AVEN: variants seen among roughly 807,000 people sequenced by gnomAD.
AVEN encodes the protein cell death regulator Aven.
A neutral mutation model predicts 38.1 loss-of-function variants in AVEN; 41 were observed. The observed-to-expected ratio is 1.08, with a 90% CI of 0.84 to 1.40. The LOEUF (loss-of-function observed/expected upper bound fraction) is 1.40. Ranked by LOEUF, AVEN falls within the 40% of genes most tolerant of loss-of-function variation. The pLI, the probability that AVEN is intolerant of heterozygous loss-of-function variation, is 0.00. For synonymous variants in AVEN, 206 were observed against 171.8 expected (o/e 1.20, Z -1.56); for missense variants, 605 against 438.8 (o/e 1.38, Z -3.38).
rs141177233 is a variant in AVEN, at chr15:33,963,333, T to C, written c.445+39699A>G. On this transcript the variant is annotated intron_variant, in intron 2 of 5. Coordinates refer to ENST00000306730, the MANE Select transcript of AVEN (RefSeq NM_020371.3). ...ACAGACAAGAGATCCAAGAGGAAGA[T>C]AGATCCTTTCTTTAAAATTTATCTG... 5.7e-3 allele frequency among the ~76,000 whole-genome samples: 861 copies of C among 152,306 alleles called. 7 individuals are homozygous for C. The highest frequency in any genetic ancestry group is 0.02 in the African/African-American group (826 of 41,564).
chr15:34,017,580 A>G (rs1297579446), intron 1 of AVEN, among the ~76,000 whole-genome samples: 1 of 149,246 alleles, frequency 6.7e-6, no homozygotes, highest in African/African-American at 2.5e-5. Flanking sequence ...TCCCAGTTCA[A>G]GCAATTCTCC....
Position 33,866,386 on chromosome 15 carries a change from T to TTAAGGAAATCTA in AVEN, c.*215_*226dup. On this transcript the variant is annotated 3_prime_UTR_variant, in exon 6 of 6. Transcript: ENST00000306730. ...AAGGGCCAGAGTCTATCTCCTGCCCTTAAGGAAATCTATTAGATTACTAAG... is the reference window on the plus strand; with the variant it reads ...AAGGGCCAGAGTCTATCTCCTGCCCTTAAGGAAATCTATAAGGAAATCTATTAGATTACTAAG... 1.8e-6 allele frequency: 1 copy of TTAAGGAAATCTA among 563,124 alleles called. No homozygotes were observed. Among genetic ancestry groups the TTAAGGAAATCTA allele is most frequent in the Admixed American group, 3.4e-5 (1 of 29,820 alleles). The allele number at this position is 563,124 out of a possible 1,614,324, so 34.9% of individuals were successfully genotyped here. A position where few individuals can be genotyped will look rare whatever the true frequency, so the allele number is the denominator to read the frequency against.
chr15:33,859,685 T>G (rs1480748746), intron 11 of AVEN: 2 of 1,613,534 alleles, frequency 1.2e-6, no homozygotes, highest in Non-Finnish European at 1.7e-6. Context: ...TCTTTGACAT[T>G]ACCTTTTTCT....
chr15:33,905,995 T>C (rs572917), intron 2 of AVEN, among the ~76,000 whole-genome samples: 55,064 of 152,054 alleles, frequency 0.36, 10,225 homozygotes, highest in Admixed American at 0.4. Flanking sequence ...GTACCTCCTA[T>C]ACATGAATTG....
chr15:34,045,920 A>G (rs1899666186), intron 5 of AVEN, among the ~76,000 whole-genome samples: 1 of 152,178 alleles, frequency 6.6e-6, no homozygotes, highest in African/African-American at 2.4e-5. Context: ...TTACTGTGGG[A>G]GTCTTTGTCT....
chr15:34,060,969 T>C, intron 5 of AVEN, among the ~76,000 whole-genome samples: 1 of 148,706 alleles, frequency 6.7e-6, no homozygotes, highest in African/African-American at 2.5e-5. Context: ...TGAGCCGAGA[T>C]AGCGCCACTG....
intron 2 of AVEN, among the ~76,000 whole-genome samples, chr15:33,945,334 G>C (rs751084011): frequency 6.6e-6 from 1 of 152,150 alleles, no homozygotes; most frequent in Admixed American, 6.5e-5. Flanking sequence ...TTTCTCCACC[G>C]TAAGTGTCTC....
At chr15:33,891,750 T>C (rs1382934536) in intron 2 of AVEN, among the ~76,000 whole-genome samples, 7 of 152,218 alleles carry the variant, frequency 4.6e-5, no homozygotes, top group Admixed American at 4.6e-4. Context: ...TACCCAGTAG[T>C]GGGATGGCTG....
chr15:33,879,317 C>T (rs574046554), intron 2 of AVEN, among the ~76,000 whole-genome samples: 2 of 148,252 alleles, frequency 1.3e-5, no homozygotes, highest in Non-Finnish European at 3.0e-5. Flanking sequence ...AAAACAAACA[C>T]CGCATGTTCT....
At chr15:33,983,210 A>ATATG (rs1466370825) in intron 2 of AVEN, among the ~76,000 whole-genome samples, 6 of 20,862 alleles carry the variant, frequency 2.9e-4, no homozygotes, top group East Asian at 1.6e-3. Context: ...GTATATATAT[A>ATATG]TATACATATA....
intron 2 of AVEN, among the ~76,000 whole-genome samples, chr15:33,986,879 G>C (rs1297943850): frequency 6.6e-6 from 1 of 152,100 alleles, no homozygotes; most frequent in East Asian, 1.9e-4. Flanking sequence ...GGATGGTCTC[G>C]ATCTCCTGAC....
At chr15:33,983,623 T>C (rs1038346969) in intron 2 of AVEN, among the ~76,000 whole-genome samples, 7 of 152,156 alleles carry the variant, frequency 4.6e-5, no homozygotes, top group Non-Finnish European at 8.8e-5. Context: ...TTTACTGTCA[T>C]TGTTTTTAAC....
downstream of AVEN, chr15:33,855,967 T>A (rs2079615238): frequency 6.6e-6 from 1 of 152,160 alleles, no homozygotes; most frequent in African/African-American, 2.4e-5. Flanking sequence ...CAAACCTTTG[T>A]ACGGGAGAGG....
intron 5 of AVEN, among the ~76,000 whole-genome samples, chr15:34,052,710 C>T (rs900658449): frequency 9.2e-5 from 14 of 152,142 alleles, no homozygotes; most frequent in African/African-American, 3.4e-4. Flanking sequence ...AACAGGAAAG[C>T]ACAGAGCCAA....
intron 1 of AVEN, among the ~76,000 whole-genome samples, chr15:34,015,756 G>T (rs9806373): frequency 0.18 from 27,382 of 151,202 alleles, 4,073 homozygotes; most frequent in African/African-American, 0.41. Flanking sequence ...CGTCTCACAC[G>T]GATCTTCACT....
intron 11 of AVEN, chr15:33,860,806 G>A: frequency 2.8e-6 from 2 of 711,776 alleles, no homozygotes; most frequent in South Asian, 1.9e-5. Flanking sequence ...TCTGCACCCT[G>A]CCATACCCCT....
chr15:33,901,102 T>C (rs1401133507), intron 2 of AVEN, among the ~76,000 whole-genome samples: 1 of 152,116 alleles, frequency 6.6e-6, no homozygotes, highest in Admixed American at 6.5e-5. Context: ...CCGTCTCTAC[T>C]AAAAATACAA....
intron 2 of AVEN, among the ~76,000 whole-genome samples, chr15:33,973,765 T>G (rs1895742877): frequency 6.6e-6 from 1 of 152,196 alleles, no homozygotes. Flanking sequence ...GTTGAGGGCC[T>G]TAAGAGTAAA....
At chr15:33,898,454 C>T (rs959738936) in intron 2 of AVEN, among the ~76,000 whole-genome samples, 4 of 152,186 alleles carry the variant, frequency 2.6e-5, no homozygotes, top group Admixed American at 2.0e-4. Context: ...TCTGAAGGCT[C>T]TAGGGGAGGA....
Sources: allele counts gnomAD v4.1 joint callset (sites outside exome capture counted in the v4.1 genomes callset), GRCh38; gene constraint gnomAD v4.1.1; transcripts MANE v1.5; gene names NCBI Gene and HGNC (gene_info 2026-07-23, HGNC 2026-07-21).